Variants in ENAH observed in about 807,000 individuals in gnomAD.
ENAH encodes the protein ENAH actin regulator, also known as protein enabled homolog.
Under a neutral mutation model 78.7 loss-of-function variants are expected in ENAH, and 23 were observed. The observed-to-expected ratio is 0.29, with a 90% CI of 0.21 to 0.41. ENAH has a LOEUF of 0.41. Ranked by LOEUF, ENAH falls within the 10% of genes least tolerant of loss-of-function variation. The pLI is 1.00. For missense variants in ENAH, 544 were observed against 691.0 expected, an observed-to-expected ratio of 0.79 and a Z score of 2.39; for synonymous variants, 226 against 241.0, an observed-to-expected ratio of 0.94 and a Z score of 0.58.
intron 4 of ENAH, among the ~76,000 whole-genome samples, chr1:225,521,150 G>A (rs1237240379): frequency 6.6e-6 from 1 of 152,110 alleles, no homozygotes. Context: ...GCTGTCCACA[G>A]TCTAAGCAGT....
At chr1:225,509,520 G>C (rs974048801) in intron 10 of ENAH, among the ~76,000 whole-genome samples, 1 of 152,104 alleles carries the variant, frequency 6.6e-6, no homozygotes, top group Non-Finnish European at 1.5e-5. Context: ...GTTTCAGGAG[G>C]GGCAAGGCTG....
chr1:225,582,566 C>A (rs2096824456), intron 1 of ENAH, among the ~76,000 whole-genome samples: 1 of 152,142 alleles, frequency 6.6e-6, no homozygotes, highest in Non-Finnish European at 1.5e-5. Context: ...GAGTTCAGGG[C>A]AATCCATAGC....
chr1:225,635,365 T>C (rs1317206602), intron 1 of ENAH, among the ~76,000 whole-genome samples: 1 of 152,228 alleles, frequency 6.6e-6, no homozygotes, highest in Non-Finnish European at 1.5e-5. Flanking sequence ...TTTAATTTTT[T>C]TCAGTTGTTT....
chr1:225,516,328 A>G (rs2096416910), intron 6 of ENAH, among the ~76,000 whole-genome samples: 1 of 152,178 alleles, frequency 6.6e-6, no homozygotes, highest in Non-Finnish European at 1.5e-5. Flanking sequence ...CTGCAAAGTC[A>G]TAATGCTCCA....
At chr1:225,533,907 G>A (rs1350747769) in intron 3 of ENAH, among the ~76,000 whole-genome samples, 1 of 152,020 alleles carries the variant, frequency 6.6e-6, no homozygotes, top group Non-Finnish European at 1.5e-5. Context: ...ATACAATCAA[G>A]TTTAAACTTA....
At chr1:225,645,664 T>G (rs1269332453) in intron 1 of ENAH, among the ~76,000 whole-genome samples, 1 of 152,230 alleles carries the variant, frequency 6.6e-6, no homozygotes, top group Non-Finnish European at 1.5e-5. Flanking sequence ...ACTTAAGAGA[T>G]GTCAGACTTT....
intron 1 of ENAH, among the ~76,000 whole-genome samples, chr1:225,597,517 C>T (rs2096907505): frequency 6.6e-6 from 1 of 151,826 alleles, no homozygotes; most frequent in South Asian, 2.1e-4. Flanking sequence ...ATTAGCTGGG[C>T]ATGGTGGTAC....
chr1:225,514,707 G>C lies in ENAH; in HGVS notation c.1107C>G (p.Ala369=). 1 of 1,584,982 alleles carries C rather than the reference G, an allele frequency of 6.3e-7. No homozygotes were observed. The highest frequency in any genetic ancestry group is 8.6e-7 in the Non-Finnish European group (1 of 1,157,250). ...AGAATCCAGATGCAGGGAGGGGTGG[G>C]GCAGGAGGTGGTGGAGGAGGAGGGG... The part of the protein sequence containing the change: ...QVPPPPPPPP[A]PPLPASGFFL... Residue 369 remains alanine, a synonymous_variant, in exon 7 of 14, where the codon GCC becomes GCG. Transcript: ENST00000366843.
chr1:225,616,295 C>CT (rs1263905332), intron 1 of ENAH, among the ~76,000 whole-genome samples: 3 of 151,184 alleles, frequency 2.0e-5, no homozygotes, highest in African/African-American at 7.3e-5. Flanking sequence ...CCAAATCCCC[C>CT]CTCCGAGAAA....
chr1:225,550,944 T>C (rs2096637986), intron 3 of ENAH, among the ~76,000 whole-genome samples: 1 of 151,354 alleles, frequency 6.6e-6, no homozygotes, highest in South Asian at 2.1e-4. Flanking sequence ...TTTAAGAAAA[T>C]AAAAGTTGGG....
At chr1:225,531,008 G>T in intron 3 of ENAH, 1 of 399,740 alleles carries the variant, frequency 2.5e-6, no homozygotes, top group Non-Finnish European at 4.4e-6. Flanking sequence ...AAGTGGAGAG[G>T]GAGAACTTAA....
rs4653422 is a variant in ENAH, at chr1:225,491,933, G to T, written c.*5842C>A. The T allele has an allele frequency of 1.3e-5, 2 of 152,052 alleles. No individual in the cohort carries two copies. Among genetic ancestry groups the T allele is most frequent in the South Asian group, 2.1e-4 (1 of 4,830 alleles). 9.4% of individuals were successfully genotyped at this position (152,052 alleles called of 1,614,324 possible). On this transcript the variant is annotated 3_prime_UTR_variant, in exon 14 of 14. Transcript: ENST00000366843. Reference sequence around the variant, plus strand: ...AAGAAATCTTTCTTGGAATTGAAGGGAACAGTTAAATCAGATTTACATGAT... The same window carrying T: ...AAGAAATCTTTCTTGGAATTGAAGGTAACAGTTAAATCAGATTTACATGAT...
intron 4 of ENAH, among the ~76,000 whole-genome samples, chr1:225,526,646 C>CG (rs1340747852): frequency 1.3e-5 from 2 of 151,544 alleles, no homozygotes; most frequent in African/African-American, 4.8e-5. Context: ...TATTTCTCGG[C>CG]GGGGAAAAAA....
intron 12 of ENAH, among the ~76,000 whole-genome samples, chr1:225,499,944 TA>T (rs774251296): frequency 4.7e-4 from 72 of 152,108 alleles, no homozygotes; most frequent in Non-Finnish European, 8.1e-4. Flanking sequence ...CAGAAGTTAT[TA>T]AATAGACTCA....
At chr1:225,639,844 C>G (rs916521914) in intron 1 of ENAH, among the ~76,000 whole-genome samples, 4 of 151,840 alleles carry the variant, frequency 2.6e-5, no homozygotes, top group African/African-American at 4.8e-5. Flanking sequence ...GACTGAACAC[C>G]AAAGATGGCA....
chr1:225,499,616 G>A (rs1314466940), intron 12 of ENAH, among the ~76,000 whole-genome samples: 3 of 151,698 alleles, frequency 2.0e-5, no homozygotes, highest in Admixed American at 6.6e-5. Flanking sequence ...AGGCTGCAGC[G>A]ACCTGAGATT....
In ENAH at chr1:225,641,994, C is replaced by A. The variant is rs199782796; in HGVS notation, c.5+10692G>T. Among the ~76,000 whole-genome samples, 175 of 151,714 alleles carry A rather than the reference C, an allele frequency of 1.2e-3. 2 individuals carry two copies. The highest frequency in any genetic ancestry group is 9.0e-3 in the East Asian group (46 of 5,136). ...CAAGACTGCACCACTGCACTCCGGCCTGGGGGACACAGCAAGACTCCATCT... is the reference window on the plus strand; with the variant it reads ...CAAGACTGCACCACTGCACTCCGGCATGGGGGACACAGCAAGACTCCATCT... On this transcript the variant is annotated intron_variant, in intron 1 of 13. Transcript: ENST00000366843.
At position 225,512,990 on chromosome 1, in the gene ENAH, T is replaced by G; in HGVS notation, c.1245A>C (p.Gly415=). Residue 415 remains glycine (G), a synonymous_variant, in exon 8 of 14, where the codon GGA becomes GGC. Coordinates refer to ENST00000366843, the MANE Select transcript of ENAH (RefSeq NM_018212.6). The part of the protein sequence containing the change: ...SRMEDTSFPS[G]GNAIGVNSAS... The stretch of plus-strand genomic sequence containing the variant: ...CGGAGTTCACACCAATAGCATTCCC[T>G]CCACTTGGGAAAGAGGTATCCTCCA... 3 of 1,613,152 alleles carry G rather than the reference T, an allele frequency of 1.9e-6. No homozygotes were observed. Among genetic ancestry groups the G allele is most frequent in the Non-Finnish European group, 2.5e-6 (3 of 1,179,596 alleles).
intron 1 of ENAH, among the ~76,000 whole-genome samples, chr1:225,585,951 C>T (rs1024195187): frequency 6.6e-6 from 1 of 152,078 alleles, no homozygotes; most frequent in Non-Finnish European, 1.5e-5. Flanking sequence ...TGGCGGCTCA[C>T]GCCTGTAATC....
Sources: allele counts gnomAD v4.1 joint callset (sites outside exome capture counted in the v4.1 genomes callset), GRCh38; gene constraint gnomAD v4.1.1; transcripts MANE v1.5; gene names NCBI Gene and HGNC (gene_info 2026-07-23, HGNC 2026-07-21).